Variants in TMEM184B observed in about 807,000 individuals in gnomAD.
TMEM184B encodes the protein transmembrane protein 184B.
Under a neutral mutation model 41.8 loss-of-function variants are expected in TMEM184B, and 17 were observed. The observed-to-expected ratio is 0.41, with a 90% CI of 0.28 to 0.61. TMEM184B has a LOEUF of 0.61. Ranked by LOEUF, TMEM184B falls within the 20% of genes least tolerant of loss-of-function variation. TMEM184B has a pLI of 0.34. For synonymous variants in TMEM184B, 240 were observed against 229.5 expected, an observed-to-expected ratio of 1.05 and a Z score of -0.41; for missense variants, 393 against 557.8, an observed-to-expected ratio of 0.70 and a Z score of 2.98.
rs1292067049 is a variant in TMEM184B at position 38,220,364 on chromosome 22, G to A, written c.*1105C>T. On this transcript the variant is annotated 3_prime_UTR_variant, in exon 9 of 9. Transcript: ENST00000361906. ...GACAGATGGGGAGCCAGGGAGGGGC[G>A]CTTTCATATGTGACTAAGGCACAGA... 1.1e-5 allele frequency: 11 copies of A among 986,064 alleles called. No individual in the cohort carries two copies. The highest frequency in any genetic ancestry group is 1.1e-5 in the Non-Finnish European group (9 of 830,228). The allele number at this position is 986,064 out of a possible 1,614,324, so 61.1% of individuals were successfully genotyped here.
At chr22:38,267,440 T>C (rs766544462) in intron 1 of TMEM184B, among the ~76,000 whole-genome samples, 1 of 151,654 alleles carries the variant, frequency 6.6e-6, no homozygotes, top group East Asian at 1.9e-4. Flanking sequence ...AATATCTTTT[T>C]TTTTTTTTTT....
intron 1 of TMEM184B, among the ~76,000 whole-genome samples, 170 bp from the exon 2 acceptor site, chr22:38,248,189 T>C (rs2267382): frequency 0.28 from 42,676 of 151,922 alleles, 6,452 homozygotes; most frequent in Middle Eastern, 0.38. Context: ...CCCTGACCAG[T>C]TTCTCTGCTT....
rs2092045530 is a variant in TMEM184B at position 38,246,948 on chromosome 22, G to C, written c.192+822C>G. 3.4e-6 allele frequency: 4 copies of C among 1,169,942 alleles called. No homozygotes were observed. In the South Asian group the frequency reaches 4.0e-5, roughly 12 times the overall value. 72.5% of individuals were successfully genotyped at this position (1,169,942 alleles called of 1,614,324 possible). ...TGAGCCAAAAGCCTTGGACGCAAAT[G>C]GGTTCTAAAAGGGATGGGGACACAG... On this transcript the variant is annotated intron_variant, in intron 2 of 8. Coordinates refer to ENST00000361906, the MANE Select transcript of TMEM184B (RefSeq NM_012264.5).
At chr22:38,246,134 C>G (rs1173328141) in intron 2 of TMEM184B, 34 bp from the exon 3 acceptor site, 32 of 1,597,138 alleles carry the variant, frequency 2.0e-5, no homozygotes, top group Non-Finnish European at 2.6e-5. Context: ...GCTGGGGACC[C>G]TCCTGTCCAC....
chr22:38,250,497 A>G (rs571697186), intron 1 of TMEM184B, among the ~76,000 whole-genome samples: 2 of 152,392 alleles, frequency 1.3e-5, no homozygotes, highest in Admixed American at 1.3e-4. Flanking sequence ...AGACACAGTG[A>G]CAAGTCCAAG....
Position 38,221,634 on chromosome 22 carries a change from G to A in TMEM184B, c.1059C>T (p.Ala353=). The A allele has an allele frequency of 6.2e-7, 1 of 1,614,136 alleles. No individual in the cohort carries two copies. The highest frequency in any genetic ancestry group is 8.5e-7 in the Non-Finnish European group (1 of 1,180,000). Residue 353 remains alanine, a synonymous_variant, in exon 9 of 9, where the codon GCC becomes GCT. Coordinates refer to ENST00000361906, the MANE Select transcript of TMEM184B (RefSeq NM_012264.5). ...TMNPHDIVQD[A]IHNFSPAYQQ... is the part of the protein sequence containing the mutation. Reference sequence around the variant, plus strand: ...GGTAGGCAGGTGAGAAGTTGTGGATGGCGTCCTGCACGATGTCGTGCGGGT... The same window carrying A: ...GGTAGGCAGGTGAGAAGTTGTGGATAGCGTCCTGCACGATGTCGTGCGGGT...
At chr22:38,259,175 C>T (rs1415146576) in intron 1 of TMEM184B, among the ~76,000 whole-genome samples, 2 of 152,206 alleles carry the variant, frequency 1.3e-5, no homozygotes, top group African/African-American at 4.8e-5. Context: ...ATTTCGGGAG[C>T]ATCCCACCAT....
intron 8 of TMEM184B, 137 bp downstream of exon 8, chr22:38,224,648 C>T: frequency 1.2e-6 from 1 of 862,026 alleles, no homozygotes; most frequent in Non-Finnish European, 1.7e-6. Flanking sequence ...CTCTGTGGCC[C>T]CATTCCTGCA....
At chr22:38,228,759 C>T (rs566465006) in intron 5 of TMEM184B, among the ~76,000 whole-genome samples, 3 of 152,308 alleles carry the variant, frequency 2.0e-5, no homozygotes, top group Non-Finnish European at 2.9e-5. Flanking sequence ...TGTTCTCTTT[C>T]TTCTTATATC....
At chr22:38,216,440 G>A (rs147366066), downstream of TMEM184B, 18 of 167,144 alleles carry the variant, frequency 1.1e-4, no homozygotes, top group African/African-American at 4.1e-4. Flanking sequence ...TACAGCAAGC[G>A]AGTTATCGTC....
At position 38,220,752 on chromosome 22, in the gene TMEM184B, G is replaced by A; in HGVS notation, c.*717C>T. ...TGTGGGCTGTCCTTGGTAGGCCAGG[G>A]GGAAGGGGCATGAGGCAGGCAGAGG... is the stretch of plus-strand genomic sequence containing the variant. On this transcript the variant is annotated 3_prime_UTR_variant, in exon 9 of 9. Coordinates refer to ENST00000361906, the MANE Select transcript of TMEM184B (RefSeq NM_012264.5). 2.0e-6 allele frequency: 2 copies of A among 986,362 alleles called. No individual in the cohort carries two copies. Among genetic ancestry groups the A allele is most frequent in the South Asian group, 9.4e-5 (2 of 21,302 alleles). The allele number at this position is 986,362 out of a possible 1,614,324, so 61.1% of individuals were successfully genotyped here.
At chr22:38,219,110 C>T (rs2091190122), downstream of TMEM184B, among the ~76,000 whole-genome samples, 1 of 152,282 alleles carries the variant, frequency 6.6e-6, no homozygotes, top group Middle Eastern at 3.4e-3. Flanking sequence ...TGGGGAGACC[C>T]TTTGTCCAAG....
intron 1 of TMEM184B, among the ~76,000 whole-genome samples, chr22:38,260,077 A>AT (rs1349230878): frequency 1.3e-5 from 2 of 151,596 alleles, no homozygotes; most frequent in Non-Finnish European, 2.9e-5. Flanking sequence ...CGTCCTGCTA[A>AT]TTTTGTATTC....
chr22:38,268,107 G>A (rs965258455), intron 1 of TMEM184B, among the ~76,000 whole-genome samples: 10 of 152,330 alleles, frequency 6.6e-5, no homozygotes, highest in African/African-American at 1.9e-4. Flanking sequence ...CGGAGGCCGG[G>A]CAGAGTGGCT....
At position 38,225,847 on chromosome 22, in the gene TMEM184B, T is replaced by G. The variant is rs950043494; in HGVS notation, c.618-254A>C. ...CTTGTCTAAGCCCTGGTGCCCACAC[T>G]CCTAACGTTGGACACCAGTGTGGAA... On this transcript the variant is annotated intron_variant, in intron 6 of 8. Coordinates refer to ENST00000361906, the MANE Select transcript of TMEM184B (RefSeq NM_012264.5). This position sits in a 1 kb window ranked among gnomAD's most constrained non-coding sequence, Gnocchi z 4.4. Among the ~76,000 whole-genome samples, 1 of 152,102 alleles carries G rather than the reference T, an allele frequency of 6.6e-6. No individual in the cohort carries two copies. The highest frequency in any genetic ancestry group is 1.5e-5 in the Non-Finnish European group (1 of 68,014).
rs1250567335 is a variant in TMEM184B, at chr22:38,245,919, C to G, written c.358+16G>C. 1.6e-5 allele frequency: 21 copies of G among 1,321,350 alleles called. No homozygotes were observed. The highest frequency in any genetic ancestry group is 3.0e-5 in the African/African-American group (2 of 67,790). 81.9% of individuals were successfully genotyped at this position (1,321,350 alleles called of 1,614,324 possible). A position where few individuals can be genotyped will look rare whatever the true frequency, so the allele number is the denominator to read the frequency against. ...CAGCCCCCCGCCAGCCCTCCCCACT[C>G]CGTCCCCATCCTCACCCTCATAGCA... On this transcript the variant is annotated intron_variant, in intron 3 of 8. Coordinates refer to ENST00000361906, the MANE Select transcript of TMEM184B (RefSeq NM_012264.5).
At chr22:38,269,031 G>A (rs2092483492) in intron 1 of TMEM184B, among the ~76,000 whole-genome samples, 1 of 152,254 alleles carries the variant, frequency 6.6e-6, no homozygotes, top group South Asian at 2.1e-4. Context: ...CCATCTTACA[G>A]ATGAAGGAAA....
intron 1 of TMEM184B, among the ~76,000 whole-genome samples, chr22:38,250,662 C>T (rs997145523): frequency 2.0e-5 from 3 of 152,188 alleles, no homozygotes; most frequent in South Asian, 2.1e-4. Flanking sequence ...AGTACAAATA[C>T]GCTCAAATCT....
At chr22:38,223,350 T>A (rs1233028311) in intron 8 of TMEM184B, 1 of 152,318 alleles carries the variant, frequency 6.6e-6, no homozygotes, top group Non-Finnish European at 1.5e-5. Context: ...AAGGATGATG[T>A]TCCCACGGGC....
Sources: allele counts gnomAD v4.1 joint callset (sites outside exome capture counted in the v4.1 genomes callset), GRCh38; gene constraint gnomAD v4.1.1; non-coding constraint Gnocchi (gnomAD v3.1); transcripts MANE v1.5; gene names NCBI Gene and HGNC (gene_info 2026-07-23, HGNC 2026-07-21).